Variants in DDX60L observed in about 807,000 individuals in gnomAD.
DDX60L encodes probable ATP-dependent RNA helicase DDX60-like.
In DDX60L, 191 loss-of-function variants were observed where a neutral mutation model predicts 211.6. The ratio of observed to expected loss-of-function variants is 0.90; its 90% CI spans 0.80 to 1.02. DDX60L has a LOEUF of 1.02. DDX60L is among the 50% of genes least tolerant of loss of function. The pLI is 0.00. For synonymous variants in DDX60L, 706 were observed against 694.1 expected (o/e 1.02, Z -0.27); for missense variants, 2,007 against 1,984.1 (o/e 1.01, Z -0.22).
intron 9 of DDX60L, among the ~76,000 whole-genome samples, chr4:168,443,658 A>G (rs1175848837): frequency 6.6e-6 from 1 of 151,494 alleles, no homozygotes; most frequent in Non-Finnish European, 1.5e-5. Flanking sequence ...AGGGAAGCCC[A>G]TCAGACTAAC....
At chr4:168,420,441 A>G in intron 17 of DDX60L, 61 bp from the exon 18 acceptor site, 1 of 1,456,106 alleles carries the variant, frequency 6.9e-7, no homozygotes, top group African/African-American at 1.5e-5. Context: ...TAAAACCTTG[A>G]GGACAACCGA....
intron 13 of DDX60L, among the ~76,000 whole-genome samples, chr4:168,429,970 G>A (rs1221448202): frequency 1.3e-5 from 2 of 152,158 alleles, no homozygotes; most frequent in Non-Finnish European, 2.9e-5. Flanking sequence ...GGCCAAGGTG[G>A]GTGGATCACC....
At chr4:168,370,947 A>T (rs1256779989) in intron 36 of DDX60L, among the ~76,000 whole-genome samples, 2 of 151,994 alleles carry the variant, frequency 1.3e-5, no homozygotes, top group Admixed American at 6.6e-5. Context: ...TCCATGTCAA[A>T]GAACTAGAAC....
intron 22 of DDX60L, among the ~76,000 whole-genome samples, chr4:168,408,194 TA>T: frequency 6.6e-6 from 1 of 152,248 alleles, no homozygotes; most frequent in Non-Finnish European, 1.5e-5. Context: ...GTCTCTAGAA[TA>T]ATAGTGATTC....
In DDX60L at chr4:168,478,473, C is replaced by T. The variant is rs577422911; in HGVS notation, c.-111+1904G>A. Among the ~76,000 whole-genome samples the T allele has an allele frequency of 2.8e-3, 421 of 152,156 alleles. 2 individuals are homozygous for T. The highest frequency in any genetic ancestry group is 9.4e-3 in the African/African-American group (389 of 41,498). ...TATTTCCAAATAAACTATGAGCTGCCTTAAAAATGGTTACATCAGTAAAAC... is the reference window on the plus strand; with the variant it reads ...TATTTCCAAATAAACTATGAGCTGCTTTAAAAATGGTTACATCAGTAAAAC... On this transcript the variant is annotated intron_variant, in intron 1 of 37. Transcript: ENST00000682922.
intron 25 of DDX60L, 54 bp downstream of exon 25, chr4:168,403,928 C>T: frequency 8.3e-7 from 1 of 1,204,352 alleles, no homozygotes; most frequent in South Asian, 2.2e-5. Context: ...AAAACAAAAC[C>T]AAACAAAAAA....
intron 10 of DDX60L, among the ~76,000 whole-genome samples, chr4:168,439,221 T>C (rs1753482951): frequency 6.6e-6 from 1 of 152,216 alleles, no homozygotes. Context: ...GTTCCCTAGT[T>C]ATCCAATCAA....
chr4:168,468,170 T>TAATAAATAAATAAATAAATA (rs74385831), intron 4 of DDX60L, among the ~76,000 whole-genome samples: 4,581 of 150,156 alleles, frequency 0.031, 101 homozygotes, highest in East Asian at 0.072. Flanking sequence ...CCATCTCAAA[T>TAATAAATAAATAAATAAATA]AATAAATAAA....
At chr4:168,465,682 G>C (rs1277689346) in intron 4 of DDX60L, among the ~76,000 whole-genome samples, 3 of 152,094 alleles carry the variant, frequency 2.0e-5, no homozygotes, top group African/African-American at 7.2e-5. Flanking sequence ...TATAGTGAAA[G>C]TGAGGGTTCA....
At chr4:168,407,207 G>A (rs755688494) in intron 22 of DDX60L, among the ~76,000 whole-genome samples, 42 of 152,104 alleles carry the variant, frequency 2.8e-4, no homozygotes, top group Non-Finnish European at 5.3e-4. Context: ...TACAAGAGCC[G>A]GATCAAGTTT....
chr4:168,413,184 G>A lies in DDX60L; in HGVS notation c.2979+2224C>T, dbSNP rs185327993. On this transcript the variant is annotated intron_variant, in intron 22 of 37. Coordinates refer to ENST00000682922, the MANE Select transcript of DDX60L (RefSeq NM_001012967.3). ...CCAGGAAAATATGACCTCACCTAAT[G>A]AACTAAATAAGGTACCAGGAACCAA... Among the ~76,000 whole-genome samples, 495 of 152,104 alleles carry A rather than the reference G, an allele frequency of 3.3e-3. 1 individual carries two copies. Among genetic ancestry groups the A allele is most frequent in the African/African-American group, 0.011 (469 of 41,482 alleles).
At chr4:168,431,090 G>A (rs544195393) in intron 12 of DDX60L, among the ~76,000 whole-genome samples, 1 of 152,292 alleles carries the variant, frequency 6.6e-6, no homozygotes, top group African/African-American at 2.4e-5. Flanking sequence ...GAAAAAGTTT[G>A]TTGACTCCGG....
rs368173240 is a variant in DDX60L at position 168,406,037 on chromosome 4, T to C, written c.3126A>G (p.Ile1042Met). Residue 1042 changes from isoleucine (I) to methionine (M), a missense_variant, in exon 24 of 38, where the codon ATA becomes ATG. Transcript: ENST00000682922. ...TTCTAGCATCCAACTTCTTAATGAC[T>C]ATCTTATTCTTAAAAAGAATGAATT... ...PEEFILFKNK[I>M]VIKKLDARKY... The C allele has an allele frequency of 1.3e-4, 203 of 1,600,086 alleles. No individual in the cohort carries two copies. The highest frequency in any genetic ancestry group is 1.7e-4 in the Non-Finnish European group (198 of 1,175,230).
At chr4:168,412,758 A>G (rs892011890) in intron 22 of DDX60L, among the ~76,000 whole-genome samples, 1 of 152,226 alleles carries the variant, frequency 6.6e-6, no homozygotes, top group African/African-American at 2.4e-5. Flanking sequence ...AACCCAGTGC[A>G]GTCTCTGCAG....
intron 24 of DDX60L, among the ~76,000 whole-genome samples, chr4:168,404,993 A>G (rs1198053771): frequency 4.0e-5 from 6 of 151,128 alleles, no homozygotes; most frequent in African/African-American, 1.5e-4. Flanking sequence ...TATTTGTAAT[A>G]TTTCCTAACA....
At chr4:168,427,757 G>A (rs1434604499) in intron 13 of DDX60L, among the ~76,000 whole-genome samples, 4 of 152,174 alleles carry the variant, frequency 2.6e-5, no homozygotes, top group Non-Finnish European at 4.4e-5. Context: ...AAACACCAAC[G>A]GTCTAAGCAG....
At chr4:168,412,196 G>A (rs1748793834) in intron 22 of DDX60L, among the ~76,000 whole-genome samples, 1 of 151,740 alleles carries the variant, frequency 6.6e-6, no homozygotes, top group South Asian at 2.1e-4. Flanking sequence ...ACTTCTGCTT[G>A]AAGAAAAGAG....
At position 168,442,766 on chromosome 4, in the gene DDX60L, C is replaced by G. The variant is rs1438946951; in HGVS notation, c.1139-1274G>C. The stretch of plus-strand genomic sequence containing the variant: ...TGGGAGGCACCCCCCAGCAGGGGCA[C>G]ACTGACACCTCACACGGCAGGGTAC... On this transcript the variant is annotated intron_variant, in intron 9 of 37. Coordinates refer to ENST00000682922, the MANE Select transcript of DDX60L (RefSeq NM_001012967.3). 3.2e-3 allele frequency among the ~76,000 whole-genome samples: 477 copies of G among 151,344 alleles called. 2 individuals carry two copies. The highest frequency in any genetic ancestry group is 5.3e-3 in the South Asian group (25 of 4,756).
rs1311547645 is a variant in DDX60L, at chr4:168,441,426, T to A, written c.1205A>T (p.His402Leu). The change falls in exon 10 of 38, where the codon CAC becomes CTC. Residue 402 changes from histidine (H) to leucine (L), a missense_variant. By Grantham distance (99) the His-to-Leu change is moderately conservative. Transcript: ENST00000682922. ...DYEDLWNVVS[H>L]LVKEFNVGKS... ...TCCAACGTTAAATTCTTTAACCAGGTGTGACACAACATTCCACAGGTCTTC... is the reference window on the plus strand; with the variant it reads ...TCCAACGTTAAATTCTTTAACCAGGAGTGACACAACATTCCACAGGTCTTC... The A allele has an allele frequency of 1.2e-6, 2 of 1,613,166 alleles. No individual in the cohort carries two copies. Among genetic ancestry groups the A allele is most frequent in the Admixed American group, 1.7e-5 (1 of 59,924 alleles).
Sources: allele counts gnomAD v4.1 joint callset (sites outside exome capture counted in the v4.1 genomes callset), GRCh38; gene constraint gnomAD v4.1.1; transcripts MANE v1.5; gene names NCBI Gene and HGNC (gene_info 2026-07-23, HGNC 2026-07-21).